CPQ: variants seen among roughly 807,000 people sequenced by gnomAD.
CPQ encodes the protein Ser-Met dipeptidase.
CPQ carries 37 observed loss-of-function variants against 45.7 expected under a neutral mutation model. That is an observed-to-expected ratio of 0.81 (90% CI 0.62 to 1.07). The LOEUF is 1.07. Among genes scored for constraint, CPQ ranks in the 50% least tolerant of loss-of-function variants. The pLI, the probability that CPQ is intolerant of heterozygous loss-of-function variation, is 0.00. For synonymous variants in CPQ, 186 were observed against 205.8 expected (o/e 0.90, Z 0.82); for missense variants, 537 against 572.9 (o/e 0.94, Z 0.64).
intron 1 of CPQ, among the ~76,000 whole-genome samples, chr8:96,772,617 C>A (rs1810558123): frequency 6.6e-6 from 1 of 151,910 alleles, no homozygotes; most frequent in Non-Finnish European, 1.5e-5. Flanking sequence ...GGGGAAGGGA[C>A]CCTGCAGGAG....
intron 1 of CPQ, among the ~76,000 whole-genome samples, chr8:96,656,153 C>T (rs1815635166): frequency 6.6e-6 from 1 of 152,208 alleles, no homozygotes; most frequent in Non-Finnish European, 1.5e-5. Flanking sequence ...TGCATCCAGC[C>T]CCAACAGCTT....
intron 4 of CPQ, among the ~76,000 whole-genome samples, chr8:96,939,839 G>A (rs1813102028): frequency 6.6e-6 from 1 of 152,144 alleles, no homozygotes; most frequent in Non-Finnish European, 1.5e-5. Context: ...ACCTAGGAGT[G>A]GAATTTCTGG....
chr8:96,831,020 C>T (rs1811450925), intron 2 of CPQ, among the ~76,000 whole-genome samples: 3 of 152,164 alleles, frequency 2.0e-5, no homozygotes, highest in Admixed American at 1.3e-4. Context: ...TCAGTCTCTT[C>T]ATAATAACTA....
intron 7 of CPQ, among the ~76,000 whole-genome samples, chr8:97,068,070 A>G (rs1359288987): frequency 6.6e-6 from 1 of 152,150 alleles, no homozygotes; most frequent in Non-Finnish European, 1.5e-5. Context: ...GAAACCTAAG[A>G]CAGAATTGGG....
intron 1 of CPQ, among the ~76,000 whole-genome samples, chr8:96,774,449 G>T (rs1285412324): frequency 6.6e-6 from 1 of 152,154 alleles, no homozygotes; most frequent in Non-Finnish European, 1.5e-5. Context: ...GAGTTGGAAA[G>T]GGACCTCTGT....
chr8:96,902,402 C>T (rs938558481), intron 4 of CPQ, among the ~76,000 whole-genome samples: 8 of 152,132 alleles, frequency 5.3e-5, no homozygotes, highest in African/African-American at 1.7e-4. Flanking sequence ...CTTCAAACCT[C>T]GATAGACTTT....
chr8:96,868,914 A>AT (rs563429595), intron 3 of CPQ, among the ~76,000 whole-genome samples: 1 of 151,840 alleles, frequency 6.6e-6, no homozygotes, highest in African/African-American at 2.4e-5. Flanking sequence ...GTTTGCTGCA[A>AT]TTTTTTTGAA....
intron 5 of CPQ, among the ~76,000 whole-genome samples, chr8:97,012,418 C>T (rs931367837): frequency 3.3e-5 from 5 of 152,128 alleles, no homozygotes; most frequent in African/African-American, 1.2e-4. Flanking sequence ...ATGGTGACTA[C>T]ACAGGGGAAA....
chr8:96,793,860 C>T (rs1278060727), intron 2 of CPQ, among the ~76,000 whole-genome samples: 1 of 152,242 alleles, frequency 6.6e-6, no homozygotes, highest in Non-Finnish European at 1.5e-5. Flanking sequence ...CAAAATCCAG[C>T]AGGGCAGCCA....
intron 7 of CPQ, among the ~76,000 whole-genome samples, chr8:97,127,685 T>C (rs776562176): frequency 6.6e-6 from 1 of 151,454 alleles, no homozygotes; most frequent in East Asian, 1.9e-4. Context: ...CAAGACTCCA[T>C]CCCAAAAAAA....
At chr8:96,842,587 A>T (rs1811627260) in intron 3 of CPQ, among the ~76,000 whole-genome samples, 1 of 152,194 alleles carries the variant, frequency 6.6e-6, no homozygotes, top group African/African-American at 2.4e-5. Context: ...TCTTCTCATC[A>T]TCCTTTCTTT....
At chr8:96,937,401 C>G (rs188397448) in intron 4 of CPQ, among the ~76,000 whole-genome samples, 1 of 152,034 alleles carries the variant, frequency 6.6e-6, no homozygotes, top group South Asian at 2.1e-4. Flanking sequence ...GGTGGCCACC[C>G]CCAGCTTCAG....
intron 7 of CPQ, among the ~76,000 whole-genome samples, chr8:97,105,680 T>C (rs1198591923): frequency 2.6e-5 from 4 of 152,212 alleles, no homozygotes; most frequent in South Asian, 2.1e-4. Context: ...AGTACCTTAG[T>C]ATATCTAAAA....
chr8:96,774,621 A>C (rs562182701), intron 1 of CPQ, among the ~76,000 whole-genome samples: 1 of 152,256 alleles, frequency 6.6e-6, no homozygotes, highest in East Asian at 1.9e-4. Context: ...GTTCTTCCTG[A>C]GGGAAAAAGA....
intron 5 of CPQ, among the ~76,000 whole-genome samples, chr8:97,024,270 G>A (rs1586500490): frequency 6.6e-6 from 1 of 152,142 alleles, no homozygotes; most frequent in East Asian, 1.9e-4. Context: ...TCGAGGAAAC[G>A]GGGATGAAGA....
Position 96,749,816 on chromosome 8 carries a change from T to C in CPQ, c.-34-35048T>C, listed in dbSNP as rs186691673. Reference sequence around the variant, plus strand: ...AGTTCTGCAAGGTGTATTAAAAATGTTAAAGGTGTTTATACTTTTTTTCCC... The same window carrying C: ...AGTTCTGCAAGGTGTATTAAAAATGCTAAAGGTGTTTATACTTTTTTTCCC... On this transcript the variant is annotated intron_variant, in intron 1 of 7. Coordinates refer to ENST00000220763, the MANE Select transcript of CPQ (RefSeq NM_016134.4). 1.1e-4 allele frequency among the ~76,000 whole-genome samples: 17 copies of C among 152,282 alleles called. No homozygotes were observed. In the East Asian group the frequency reaches 3.3e-3, roughly 29 times the overall value.
At chr8:96,849,208 T>C (rs902817629) in intron 3 of CPQ, among the ~76,000 whole-genome samples, 32 of 152,226 alleles carry the variant, frequency 2.1e-4, no homozygotes, top group African/African-American at 7.5e-4. Context: ...TTAGAGGTTG[T>C]GTTCGCAATA....
At chr8:97,021,683 A>T (rs1015959262) in intron 5 of CPQ, among the ~76,000 whole-genome samples, 2 of 152,118 alleles carry the variant, frequency 1.3e-5, no homozygotes, top group Admixed American at 1.3e-4. Context: ...TTGAACAAGG[A>T]TACAAAACAC....
At chr8:96,809,838 C>A (rs1053857361) in intron 2 of CPQ, among the ~76,000 whole-genome samples, 3 of 152,030 alleles carry the variant, frequency 2.0e-5, no homozygotes, top group African/African-American at 7.2e-5. Context: ...ACATTCTTTA[C>A]AAAACAAAAT....
Sources: allele counts gnomAD v4.1 joint callset (sites outside exome capture counted in the v4.1 genomes callset), GRCh38; gene constraint gnomAD v4.1.1; transcripts MANE v1.5; gene names NCBI Gene and HGNC (gene_info 2026-07-23, HGNC 2026-07-21).